The following DLG5 variants were observed in gnomAD, a reference collection of about 807,000 sequenced individuals.
DLG5 encodes disks large homolog 5.
A neutral mutation model predicts 189.8 loss-of-function variants in DLG5; 48 were observed. That is an observed-to-expected ratio of 0.25 (90% CI 0.20 to 0.32). DLG5 has a LOEUF of 0.32. Ranked by LOEUF, DLG5 falls within the 10% of genes least tolerant of loss-of-function variation. The pLI is 1.00. For missense variants in DLG5, 2,160 were observed against 2,544.7 expected (o/e 0.85, Z 3.25); for synonymous variants, 1,016 against 1,054.1 (o/e 0.96, Z 0.70).
intron 23 of DLG5, 99 bp downstream of exon 23, chr10:77,810,995 A>C: frequency 6.8e-7 from 1 of 1,461,208 alleles, no homozygotes; most frequent in South Asian, 1.3e-5. Flanking sequence ...CCTGCAGCAC[A>C]TGAGGCCAGC....
chr10:77,924,507 G>A (rs991901444), intron 1 of DLG5, among the ~76,000 whole-genome samples: 2 of 152,200 alleles, frequency 1.3e-5, no homozygotes, highest in African/African-American at 2.4e-5. Context: ...TCTGTACTAA[G>A]TTCTGTGCTT....
rs750873150 is a variant in DLG5, at chr10:77,830,207, C to T, written c.2009+10G>A. The T allele has an allele frequency of 1.2e-6, 2 of 1,614,010 alleles. No homozygotes were observed. Among genetic ancestry groups the T allele is most frequent in the Non-Finnish European group, 1.7e-6 (2 of 1,180,014 alleles). On this transcript the variant is annotated intron_variant, in intron 11 of 31. Coordinates refer to ENST00000372391, the MANE Select transcript of DLG5 (RefSeq NM_004747.4). ...CACCTTGCCTCCAGAGCCTGGGCCT[C>T]AACTCTTACCTTAAGCGGCCATCAG...
chr10:77,810,999 G>T, intron 23 of DLG5, 95 bp downstream of exon 23: 2 of 1,476,924 alleles, frequency 1.4e-6, no homozygotes, highest in Admixed American at 4.1e-5. Flanking sequence ...CAGCACATGA[G>T]GCCAGCTGCC....
At chr10:77,894,588 G>A (rs11002323) in intron 1 of DLG5, among the ~76,000 whole-genome samples, 1 of 118,602 alleles carries the variant, frequency 8.4e-6, no homozygotes. Context: ...GAACAGCTCA[G>A]AATCCCAAGT....
chr10:77,910,543 C>G (rs1000332117), intron 1 of DLG5, among the ~76,000 whole-genome samples: 2 of 152,162 alleles, frequency 1.3e-5, no homozygotes, highest in Non-Finnish European at 2.9e-5. Flanking sequence ...CCCACCCAGC[C>G]TGCTCCTGGT....
Position 77,796,244 on chromosome 10 carries a change from G to A in DLG5, c.5309-56C>T. 6.2e-7 allele frequency: 1 copy of A among 1,612,754 alleles called. No individual in the cohort carries two copies. The highest frequency in any genetic ancestry group is 2.2e-5 in the East Asian group (1 of 44,874). The stretch of plus-strand genomic sequence containing the variant: ...CCCCAGGCCCTGCTGAGCCCCAGCA[G>A]AGGGAGCAGGGGAAGAACACTGCTC... On this transcript the variant is annotated intron_variant, in intron 28 of 31. Transcript: ENST00000372391. The surrounding 1 kb of genome is among the most constrained non-coding windows in gnomAD (Gnocchi z 5.2).
chr10:77,935,954 A>C, the DLG5 span, among the ~76,000 whole-genome samples: 1 of 152,170 alleles, frequency 6.6e-6, no homozygotes, highest in East Asian at 1.9e-4. Flanking sequence ...ATGGAATTCT[A>C]TTTAGGAAAA....
chr10:77,933,465 TGTATTTTTA>T, the DLG5 span, among the ~76,000 whole-genome samples: 1 of 152,036 alleles, frequency 6.6e-6, no homozygotes, highest in Non-Finnish European at 1.5e-5. Flanking sequence ...GGCTAATTTT[TGTATTTTTA>T]GTACAGATGG....
At position 77,822,019 on chromosome 10, in the gene DLG5, G is replaced by A. The variant is rs753203721; in HGVS notation, c.2465C>T (p.Ala822Val). ...KDSDKMLSFRAHGPEVQAHNK... is the reference protein window; with the variant it reads ...KDSDKMLSFRVHGPEVQAHNK... The stretch of plus-strand genomic sequence containing the variant: ...ATGAGCCTGGACCTCCGGGCCATGG[G>A]CTCGAAAACTCAGCATCTTATCAGA... Residue 822 changes from alanine to valine, a missense_variant, in exon 15 of 32, where the codon GCC becomes GTC. Around this residue, in one of 5 missense-constraint regions of DLG5, gnomAD observed 754 missense variants for 746.5 expected, o/e 1.01. Coordinates refer to ENST00000372391, the MANE Select transcript of DLG5 (RefSeq NM_004747.4). 1 of 1,614,188 alleles carries A rather than the reference G, an allele frequency of 6.2e-7. No homozygotes were observed. The highest frequency in any genetic ancestry group is 1.7e-5 in the Admixed American group (1 of 60,030).
chr10:77,854,295 G>A lies in DLG5; in HGVS notation c.612C>T (p.Ser204=), dbSNP rs757068466. The change falls in exon 4 of 32, where the codon AGC becomes AGT. Residue 204 remains serine, a synonymous_variant. Transcript: ENST00000372391. ...QCVRAMSDLQ[S]LQNQHTNALK... is the part of the protein sequence containing the mutation. ...AGGCGTTGGTGTGCTGGTTCTGCAG[G>A]CTCTGCAGGTCCGACATGGCTCGCA... 6.2e-7 allele frequency: 1 copy of A among 1,614,206 alleles called. No individual in the cohort carries two copies. The highest frequency in any genetic ancestry group is 8.5e-7 in the Non-Finnish European group (1 of 1,180,044).
intron 1 of DLG5, among the ~76,000 whole-genome samples, chr10:77,890,624 C>T (rs1297790110): frequency 6.6e-6 from 1 of 152,226 alleles, no homozygotes; most frequent in Non-Finnish European, 1.5e-5. Context: ...CAATACCAGC[C>T]TGACCAACAT....
intron 9 of DLG5, 118 bp downstream of exon 9, chr10:77,833,796 C>G (rs2154576032): frequency 6.9e-7 from 1 of 1,441,280 alleles, no homozygotes; most frequent in Non-Finnish European, 9.4e-7. Flanking sequence ...AAACAGCCAG[C>G]TCGACGCAGA....
chr10:77,869,836 C>T (rs1360509896), intron 1 of DLG5, among the ~76,000 whole-genome samples: 1 of 152,126 alleles, frequency 6.6e-6, no homozygotes, highest in African/African-American at 2.4e-5. Context: ...CAAATATCTT[C>T]AAAACCAGAT....
At chr10:77,839,988 C>T (rs761466282) in intron 7 of DLG5, among the ~76,000 whole-genome samples, 1 of 152,130 alleles carries the variant, frequency 6.6e-6, no homozygotes, top group Non-Finnish European at 1.5e-5. Context: ...AATGAATGCC[C>T]ATCTCAACTC....
chr10:77,812,268 C>A lies in DLG5; in HGVS notation c.4135G>T (p.Val1379Leu). The A allele has an allele frequency of 6.2e-7, 1 of 1,614,178 alleles. No homozygotes were observed. Among genetic ancestry groups the A allele is most frequent in the Non-Finnish European group, 8.5e-7 (1 of 1,180,024 alleles). Reference protein sequence around the residue: ...KGGIYVSKVTVGSIAHQAGLE... With the variant: ...KGGIYVSKVTLGSIAHQAGLE... ...CCAGCCTGGTGAGCGATGCTCCCCA[C>A]GGTCACCTTGGAGACGTAGATGCCG... Residue 1379 changes from valine to leucine, a missense_variant, in exon 21 of 32, where the codon GTG becomes TTG. This residue lies in a region of DLG5 where 61 missense variants were observed against 101.0 expected (regional missense o/e 0.60). Transcript: ENST00000372391.
intron 1 of DLG5, among the ~76,000 whole-genome samples, chr10:77,918,411 CAAA>C (rs547250164): frequency 7.6e-6 from 1 of 132,370 alleles, no homozygotes; most frequent in African/African-American, 2.8e-5. Flanking sequence ...GACTCTGTAT[CAAA>C]AAAAAAAAAG....
In DLG5 at chr10:77,910,987, GAA is replaced by G. The variant is rs55832630; in HGVS notation, c.304+15228_304+15229del. The stretch of plus-strand genomic sequence containing the variant: ...TGACAGAGCGAGATTCTGTCTGAAG[GAA>G]AAAAAAAAAAAAAAAAAAAACATAA... On this transcript the variant is annotated intron_variant, in intron 1 of 31. Coordinates refer to ENST00000372391, the MANE Select transcript of DLG5 (RefSeq NM_004747.4). Among the ~76,000 whole-genome samples, 131 of 84,254 alleles carry G rather than the reference GAA, an allele frequency of 1.6e-3. 1 individual carries two copies. The highest frequency in any genetic ancestry group is 8.1e-3 in the East Asian group (21 of 2,598). 55.3% of individuals were successfully genotyped at this position (84,254 alleles called of 152,430 possible).
chr10:77,815,026 G>A (rs1423804436), intron 20 of DLG5, among the ~76,000 whole-genome samples: 3 of 152,150 alleles, frequency 2.0e-5, no homozygotes, highest in African/African-American at 7.2e-5. Flanking sequence ...GAGGGCAGGA[G>A]TCACTCACAT....
intron 8 of DLG5, among the ~76,000 whole-genome samples, chr10:77,834,543 G>A (rs1338472335): frequency 6.6e-6 from 1 of 152,160 alleles, no homozygotes; most frequent in East Asian, 1.9e-4. Context: ...CAGTCCTCAT[G>A]CATCTCTGTC....
Sources: allele counts gnomAD v4.1 joint callset (sites outside exome capture counted in the v4.1 genomes callset), GRCh38; gene constraint gnomAD v4.1.1; regional missense constraint gnomAD v4.1.1; non-coding constraint Gnocchi (gnomAD v3.1); transcripts MANE v1.5; gene names NCBI Gene and HGNC (gene_info 2026-07-23, HGNC 2026-07-21).